The following CCNC variants were observed in gnomAD, a reference collection of about 807,000 sequenced individuals.
The protein encoded by CCNC is cyclin C.
A neutral mutation model predicts 50.0 loss-of-function variants in CCNC; 19 were observed. That is an observed-to-expected ratio of 0.38 (90% CI 0.27 to 0.56). CCNC has a LOEUF of 0.56. Among genes scored for constraint, CCNC ranks in the 20% least tolerant of loss-of-function variants. CCNC has a pLI of 0.72. For missense variants in CCNC, 200 were observed against 327.1 expected (o/e 0.61, Z 3.00); for synonymous variants, 93 against 103.7 (o/e 0.90, Z 0.63).
chr6:99,558,419 TAA>T (rs761291714), intron 5 of CCNC, 76 bp downstream of exon 5: 682 of 1,229,108 alleles, frequency 5.5e-4, no homozygotes, highest in South Asian at 1.7e-3. Context: ...TCTCATAAAC[TAA>T]AAAAAAAAAA....
In CCNC at chr6:99,568,519, C is replaced by T. The variant is rs1326665560; in HGVS notation, c.9G>A (p.Gly3=). ...ACTAGTGGGAGCTCTGCCAAAAGTT[C>T]CCTGCCATGGAACACAGCTTGCCCT... MA[G]NFWQSSHYLQ... is the part of the protein sequence containing the mutation. The change falls in exon 1 of 12, where the codon GGG becomes GGA. Residue 3 remains glycine (G), a synonymous_variant. Transcript: ENST00000520429. 1 of 1,612,786 alleles carries T rather than the reference C, an allele frequency of 6.2e-7. No homozygotes were observed. Among genetic ancestry groups the T allele is most frequent in the Admixed American group, 1.7e-5 (1 of 59,916 alleles).
At chr6:99,547,516 A>AAT (rs1802115906) in intron 9 of CCNC, among the ~76,000 whole-genome samples, 1 of 152,024 alleles carries the variant, frequency 6.6e-6, no homozygotes, top group Non-Finnish European at 1.5e-5. Context: ...GGGAGAAGAG[A>AAT]ATAGTATGTA....
chr6:99,567,396 T>C (rs537781013), intron 1 of CCNC, among the ~76,000 whole-genome samples: 13 of 135,640 alleles, frequency 9.6e-5, no homozygotes, highest in East Asian at 4.6e-4. Context: ...TACACACACA[T>C]ATATATATAC....
At chr6:99,566,874 A>G (rs1478140866) in intron 1 of CCNC, 1 of 440,662 alleles carries the variant, frequency 2.3e-6, no homozygotes, top group Admixed American at 2.5e-5. Context: ...TTTAATATCA[A>G]TTGCCCTCTT....
At chr6:99,556,155 T>C (rs952628449) in intron 5 of CCNC, among the ~76,000 whole-genome samples, 4 of 152,228 alleles carry the variant, frequency 2.6e-5, no homozygotes, top group Non-Finnish European at 1.5e-5. Context: ...TCAATACAGT[T>C]TGCAGTTTTA....
At chr6:99,567,721 A>G (rs3791155) in intron 1 of CCNC, among the ~76,000 whole-genome samples, 1 of 152,294 alleles carries the variant, frequency 6.6e-6, no homozygotes, top group East Asian at 1.9e-4. Context: ...CAAATGTTCA[A>G]TTTACCCCAT....
At position 99,545,194 on chromosome 6, in the gene CCNC, C is replaced by T. The variant is rs1802023607; in HGVS notation, c.715G>A (p.Glu239Lys). Residue 239 changes from glutamate (E) to lysine (K), a missense_variant, in exon 11 of 12, where the codon GAG becomes AAG. Coordinates refer to ENST00000520429, the MANE Select transcript of CCNC (RefSeq NM_005190.4). Reference protein sequence around the residue: ...EIIRVILKLYEQWKNFDERKE... With the variant: ...EIIRVILKLYKQWKNFDERKE... The stretch of plus-strand genomic sequence containing the variant: ...CTCTCATCGAAATTCTTCCACTGCT[C>T]ATATAGTTTTAAAATAACCCTGATT... The T allele has an allele frequency of 6.2e-7, 1 of 1,605,538 alleles. No individual in the cohort carries two copies. The highest frequency in any genetic ancestry group is 1.3e-5 in the African/African-American group (1 of 74,706).
intron 5 of CCNC, among the ~76,000 whole-genome samples, chr6:99,552,920 T>G (rs796457471): frequency 1.3e-5 from 2 of 152,116 alleles, no homozygotes; most frequent in African/African-American, 4.8e-5. Flanking sequence ...CATGCACCTG[T>G]AGTCCCGGCT....
chr6:99,543,423 A>C lies in CCNC; in HGVS notation c.*132T>G. The C allele has an allele frequency of 2.1e-6, 2 of 950,760 alleles. No homozygotes were observed. The highest frequency in any genetic ancestry group is 1.6e-5 in the African/African-American group (1 of 60,876). 58.9% of individuals were successfully genotyped at this position (950,760 alleles called of 1,614,324 possible). On this transcript the variant is annotated 3_prime_UTR_variant, in exon 12 of 12. Transcript: ENST00000520429. ...ATTAAAGAAAAACTTATTTTGCAAA[A>C]ATAAAATCACTTTCCAATATGCTTG...
intron 11 of CCNC, 84 bp from the exon 12 acceptor site, chr6:99,543,693 C>T: frequency 3.2e-6 from 5 of 1,576,086 alleles, no homozygotes; most frequent in Non-Finnish European, 3.5e-6. Flanking sequence ...CTTTTAAATT[C>T]ATTATTCTGT....
intron 9 of CCNC, 51 bp from the exon 10 acceptor site, chr6:99,546,525 T>C (rs372641047): frequency 3.8e-5 from 43 of 1,127,218 alleles, no homozygotes; most frequent in Admixed American, 3.6e-4. Context: ...AAACACAGAA[T>C]ATATGATCTA....
intron 5 of CCNC, among the ~76,000 whole-genome samples, 172 bp from the exon 6 acceptor site, chr6:99,552,067 G>C (rs578242060): frequency 6.6e-6 from 1 of 151,950 alleles, no homozygotes; most frequent in African/African-American, 2.4e-5. Context: ...GGGAAAGACT[G>C]GGGGGCAGGA....
chr6:99,568,198 C>T (rs1769235328), intron 1 of CCNC: 1 of 470,390 alleles, frequency 2.1e-6, no homozygotes, highest in South Asian at 2.3e-5. Context: ...TCTATCCGAC[C>T]CCCCGCGGCC....
chr6:99,554,990 C>T (rs1802453997), intron 5 of CCNC, among the ~76,000 whole-genome samples: 1 of 152,124 alleles, frequency 6.6e-6, no homozygotes, highest in African/African-American at 2.4e-5. Flanking sequence ...ATGCTGTTTC[C>T]AGCCCTTTGC....
rs779133449 is a variant in CCNC, at chr6:99,562,959, CAT to C, written c.33-13_33-12del. 567 of 1,525,208 alleles carry C rather than the reference CAT, an allele frequency of 3.7e-4. 7 individuals carry two copies. Among genetic ancestry groups the C allele is most frequent in the Non-Finnish European group, 2.9e-5 (32 of 1,108,718 alleles). The allele number at this position is 1,525,208 out of a possible 1,614,324, so 94.5% of individuals were successfully genotyped here. Reference sequence around the variant, plus strand: ...AAAATCCATTGCAAACTAGAAAAGACATGTTACAGAAAATCAACAAGCAAGGT... The same window carrying C: ...AAAATCCATTGCAAACTAGAAAAGACGTTACAGAAAATCAACAAGCAAGGT... On this transcript the variant is annotated splice_polypyrimidine_tract_variant and intron_variant, in intron 1 of 11. Transcript: ENST00000520429.
At chr6:99,552,891 A>G (rs977939936) in intron 5 of CCNC, among the ~76,000 whole-genome samples, 2 of 152,100 alleles carry the variant, frequency 1.3e-5, no homozygotes, top group African/African-American at 4.8e-5. Flanking sequence ...AAAATACAAA[A>G]ATTAGGCGAG....
intron 8 of CCNC, 116 bp downstream of exon 8, chr6:99,550,102 A>T: frequency 2.9e-6 from 2 of 685,148 alleles, no homozygotes; most frequent in Non-Finnish European, 4.8e-6. Flanking sequence ...TTTGCTCAAC[A>T]TAAAATATCT....
Position 99,568,532 on chromosome 6 carries a change from C to A in CCNC, c.-5G>T. On this transcript the variant is annotated 5_prime_UTR_variant, in exon 1 of 12. Transcript: ENST00000520429. Reference sequence around the variant, plus strand: ...CTGCCAAAAGTTCCCTGCCATGGAACACAGCTTGCCCTGATAAAAAAGCAC... The same window carrying A: ...CTGCCAAAAGTTCCCTGCCATGGAAAACAGCTTGCCCTGATAAAAAAGCAC... The A allele has an allele frequency of 6.2e-7, 1 of 1,612,312 alleles. No homozygotes were observed. The highest frequency in any genetic ancestry group is 8.5e-7 in the Non-Finnish European group (1 of 1,179,196).
intron 10 of CCNC, among the ~76,000 whole-genome samples, chr6:99,545,795 T>C (rs1017282560): frequency 2.0e-5 from 3 of 152,306 alleles, no homozygotes; most frequent in Admixed American, 1.3e-4. Flanking sequence ...TGCCAGGAGA[T>C]AGGCTATGTT....
Sources: gnomAD v4.1 joint callset for allele counts (sites outside exome capture counted in the v4.1 genomes callset) on GRCh38, gnomAD v4.1.1 for gene constraint, MANE v1.5 for transcripts, NCBI Gene and HGNC (gene_info 2026-07-23, HGNC 2026-07-21) for gene names.